The following PELI2 variants were observed in gnomAD, a reference collection of about 807,000 sequenced individuals.
PELI2 encodes the protein pellino E3 ubiquitin protein ligase family member 2.
Under a neutral mutation model 42.3 loss-of-function variants are expected in PELI2, and 23 were observed. The observed-to-expected ratio is 0.54, with a 90% CI of 0.39 to 0.77. The LOEUF (loss-of-function observed/expected upper bound fraction) is 0.77, where lower values mean the gene tolerates loss of function less well. Among genes scored for constraint, PELI2 ranks in the 30% least tolerant of loss-of-function variants. The probability of loss-of-function intolerance (pLI) is 0.00; values close to 1 mark genes in which losing one functional copy is unlikely to be tolerated. For synonymous variants in PELI2, 245 were observed against 212.2 expected (o/e 1.15, Z -1.34); for missense variants, 463 against 553.2 (o/e 0.84, Z 1.64).
At position 56,242,598 on chromosome 14, in the gene PELI2, C is replaced by T. The variant is rs544148852; in HGVS notation, c.208-37078C>T. Among the ~76,000 whole-genome samples the T allele has an allele frequency of 3.3e-4, 51 of 152,270 alleles. No homozygotes were observed. In the South Asian group the frequency reaches 9.7e-3, roughly 29 times the overall value. On this transcript the variant is annotated intron_variant, in intron 2 of 5. Transcript: ENST00000267460. ...TGCAATTGCAAAAATGTGGAACCAG[C>T]CTAAATGTCCATCAGTCAGTGAGTG... is the stretch of plus-strand genomic sequence containing the variant.
intron 1 of PELI2, among the ~76,000 whole-genome samples, chr14:56,136,252 G>A (rs1029010781): frequency 1.3e-5 from 2 of 152,190 alleles, no homozygotes; most frequent in African/African-American, 4.8e-5. Context: ...TTTCAAGGGG[G>A]TGTGGTGGAA....
chr14:56,218,770 A>T (rs772986805), intron 2 of PELI2, among the ~76,000 whole-genome samples: 15 of 152,070 alleles, frequency 9.9e-5, no homozygotes, highest in Non-Finnish European at 1.6e-4. Flanking sequence ...GAGAGGATTT[A>T]ATTGCCAAGA....
intron 2 of PELI2, among the ~76,000 whole-genome samples, chr14:56,235,101 A>G (rs973851181): frequency 1.3e-5 from 2 of 152,150 alleles, no homozygotes; most frequent in African/African-American, 4.8e-5. Context: ...CTCTACTTCA[A>G]AGTTTAGTAT....
chr14:56,201,071 C>T (rs909776258), intron 2 of PELI2, among the ~76,000 whole-genome samples: 1 of 152,100 alleles, frequency 6.6e-6, no homozygotes, highest in Non-Finnish European at 1.5e-5. Flanking sequence ...CAAGGAAGAG[C>T]ACTGGCCTGT....
intron 1 of PELI2, among the ~76,000 whole-genome samples, chr14:56,152,132 T>C (rs546461711): frequency 2.6e-5 from 4 of 152,348 alleles, no homozygotes; most frequent in South Asian, 4.1e-4. Context: ...GTTGTACTTA[T>C]GGTCACATCC....
intron 2 of PELI2, among the ~76,000 whole-genome samples, chr14:56,260,701 T>C (rs1269567477): frequency 6.6e-6 from 1 of 152,196 alleles, no homozygotes; most frequent in Middle Eastern, 3.2e-3. Context: ...TTGGTAATCC[T>C]TGTGTGAGTA....
At chr14:56,215,970 T>G (rs1028258564) in intron 2 of PELI2, among the ~76,000 whole-genome samples, 6 of 152,228 alleles carry the variant, frequency 3.9e-5, no homozygotes, top group Non-Finnish European at 5.9e-5. Flanking sequence ...GCTAATAATA[T>G]GATTTTATTT....
intron 1 of PELI2, among the ~76,000 whole-genome samples, chr14:56,132,892 A>G: frequency 6.6e-6 from 1 of 152,184 alleles, no homozygotes. Context: ...GTGAACACTA[A>G]TCATTAACAC....
intron 1 of PELI2, among the ~76,000 whole-genome samples, chr14:56,152,429 A>G (rs1884396481): frequency 6.6e-6 from 1 of 152,206 alleles, no homozygotes; most frequent in Non-Finnish European, 1.5e-5. Context: ...TAAAAGGAAG[A>G]TGGGAGGATG....
intron 2 of PELI2, among the ~76,000 whole-genome samples, chr14:56,241,314 G>A (rs1349283130): frequency 1.3e-5 from 2 of 152,102 alleles, no homozygotes; most frequent in African/African-American, 2.4e-5. Context: ...TAGAACAATT[G>A]GGGGGGAAAA....
At position 56,229,713 on chromosome 14, in the gene PELI2, C is replaced by T. The variant is rs143162321; in HGVS notation, c.208-49963C>T. On this transcript the variant is annotated intron_variant, in intron 2 of 5. Coordinates refer to ENST00000267460, the MANE Select transcript of PELI2 (RefSeq NM_021255.3). ...TCTCCCCCAAAGGAATGCAGCTCCTCACCAGCAACAGAACAAAGCTGGACA... is the reference window on the plus strand; with the variant it reads ...TCTCCCCCAAAGGAATGCAGCTCCTTACCAGCAACAGAACAAAGCTGGACA... Among the ~76,000 whole-genome samples the T allele has an allele frequency of 1.2e-4, 19 of 152,308 alleles. No homozygotes were observed. In the East Asian group the frequency reaches 3.7e-3, roughly 29 times the overall value.
chr14:56,267,131 T>A (rs536927389), intron 2 of PELI2, among the ~76,000 whole-genome samples: 44 of 152,236 alleles, frequency 2.9e-4, no homozygotes, highest in African/African-American at 1.0e-3. Flanking sequence ...GTAACTTGTG[T>A]ACATATTACC....
intron 1 of PELI2, among the ~76,000 whole-genome samples, chr14:56,166,570 T>G (rs1013634996): frequency 6.6e-6 from 1 of 152,212 alleles, no homozygotes; most frequent in Non-Finnish European, 1.5e-5. Flanking sequence ...TTGATGAAAT[T>G]TCTCAGCTTT....
intron 1 of PELI2, among the ~76,000 whole-genome samples, chr14:56,142,171 C>T (rs1334432246): frequency 6.6e-6 from 1 of 152,140 alleles, no homozygotes; most frequent in Non-Finnish European, 1.5e-5. Flanking sequence ...AAAACAAACT[C>T]AAGGTTTCAA....
intron 2 of PELI2, among the ~76,000 whole-genome samples, chr14:56,232,517 T>C (rs1303319170): frequency 6.6e-6 from 1 of 152,154 alleles, no homozygotes; most frequent in African/African-American, 2.4e-5. Flanking sequence ...AGCACATGAT[T>C]ATCTCAATAG....
chr14:56,217,167 A>AT (rs1886937427), intron 2 of PELI2, among the ~76,000 whole-genome samples: 1 of 152,202 alleles, frequency 6.6e-6, no homozygotes, highest in African/African-American at 2.4e-5. Flanking sequence ...TGAGGCCAAA[A>AT]TGTTAGCTGT....
At chr14:56,210,956 G>GTACCT (rs1277841730) in intron 2 of PELI2, among the ~76,000 whole-genome samples, 1 of 152,096 alleles carries the variant, frequency 6.6e-6, no homozygotes, top group Non-Finnish European at 1.5e-5. Context: ...TGTTCCTTTT[G>GTACCT]GTGGTAGGTA....
In PELI2 at chr14:56,233,805, A is replaced by C. The variant is rs1036089946; in HGVS notation, c.208-45871A>C. ...CTGCACAGCAAAAGAAACTGTCATCAGAGTGAACAGGCAACCTACAGAATG... is the reference window on the plus strand; with the variant it reads ...CTGCACAGCAAAAGAAACTGTCATCCGAGTGAACAGGCAACCTACAGAATG... On this transcript the variant is annotated intron_variant, in intron 2 of 5. Transcript: ENST00000267460. 1.7e-3 allele frequency among the ~76,000 whole-genome samples: 257 copies of C among 152,372 alleles called. 1 individual carries two copies. The highest frequency in any genetic ancestry group is 2.1e-3 in the Non-Finnish European group (146 of 68,030).
intron 5 of PELI2, among the ~76,000 whole-genome samples, chr14:56,296,055 T>C (rs1889989084): frequency 1.3e-5 from 2 of 152,258 alleles, no homozygotes; most frequent in Non-Finnish European, 1.5e-5. Context: ...TGAAGGCTCA[T>C]GTTGAACTGT....
Sources: allele counts gnomAD v4.1 joint callset (sites outside exome capture counted in the v4.1 genomes callset), GRCh38; gene constraint gnomAD v4.1.1; transcripts MANE v1.5; gene names NCBI Gene and HGNC (gene_info 2026-07-23, HGNC 2026-07-21).